Variants in GPHN observed in about 807,000 individuals in gnomAD.
The protein encoded by GPHN is gephyrin.
GPHN carries 17 observed loss-of-function variants against 95.5 expected under a neutral mutation model. The observed-to-expected ratio is 0.18, with a 90% confidence interval of 0.12 to 0.27. GPHN has a LOEUF of 0.27. GPHN is among the 10% of genes least tolerant of loss of function. GPHN has a pLI of 1.00. For missense variants in GPHN, 660 were observed against 978.1 expected (o/e 0.67, Z 4.34); for synonymous variants, 320 against 322.5 (o/e 0.99, Z 0.08).
intron 1 of GPHN, among the ~76,000 whole-genome samples, chr14:66,588,547 A>G (rs563311095): frequency 1.3e-5 from 2 of 152,222 alleles, no homozygotes; most frequent in East Asian, 3.9e-4. Flanking sequence ...AACATAAGTG[A>G]CCTTATGGAG....
the GPHN span, among the ~76,000 whole-genome samples, chr14:67,310,792 T>C: frequency 6.6e-6 from 1 of 152,212 alleles, no homozygotes; most frequent in Non-Finnish European, 1.5e-5. Flanking sequence ...AAATATTCTT[T>C]AATGACAAGC....
At chr14:67,725,452 G>A in the GPHN span, among the ~76,000 whole-genome samples, 5 of 152,160 alleles carry the variant, frequency 3.3e-5, no homozygotes, top group East Asian at 1.9e-4. Flanking sequence ...TCATCTTTTC[G>A]CCTCAGCAAT....
At chr14:67,227,729 T>C in the GPHN span, 1 of 152,170 alleles carries the variant, frequency 6.6e-6, no homozygotes, top group African/African-American at 2.4e-5. Context: ...AATAATTCAA[T>C]AGCAGGTATA....
At chr14:66,699,355 A>G (rs2068349248) in intron 2 of GPHN, among the ~76,000 whole-genome samples, 1 of 151,856 alleles carries the variant, frequency 6.6e-6, no homozygotes, top group Non-Finnish European at 1.5e-5. Flanking sequence ...TATAATAATA[A>G]TTAAAATAAA....
chr14:67,699,604 A>G, the GPHN span, among the ~76,000 whole-genome samples: 1 of 150,120 alleles, frequency 6.7e-6, no homozygotes, highest in African/African-American at 2.4e-5. Context: ...AAAAAAAAAA[A>G]AAAAAAAAGA....
intron 10 of GPHN, among the ~76,000 whole-genome samples, chr14:67,052,658 C>T (rs974929947): frequency 6.6e-6 from 1 of 152,186 alleles, no homozygotes; most frequent in Non-Finnish European, 1.5e-5. Context: ...TTCTTTGTGC[C>T]ATATGGCACT....
intron 10 of GPHN, among the ~76,000 whole-genome samples, chr14:67,056,996 G>A (rs941506926): frequency 3.3e-5 from 5 of 152,222 alleles, no homozygotes; most frequent in East Asian, 3.9e-4. Flanking sequence ...CCGTACCCAC[G>A]CCCACCCAGA....
At chr14:66,772,991 C>T (rs1402861152) in intron 2 of GPHN, among the ~76,000 whole-genome samples, 1 of 151,964 alleles carries the variant, frequency 6.6e-6, no homozygotes, top group African/African-American at 2.4e-5. Context: ...TTTTTTTCCC[C>T]CTTCTTCCTT....
At chr14:67,494,800 G>T in the GPHN span, among the ~76,000 whole-genome samples, 8 of 152,164 alleles carry the variant, frequency 5.3e-5, no homozygotes, top group East Asian at 1.3e-3. Context: ...CAAGGCTACA[G>T]AAGAAGCACC....
At chr14:67,725,877 T>A in the GPHN span, among the ~76,000 whole-genome samples, 5 of 152,190 alleles carry the variant, frequency 3.3e-5, no homozygotes, top group Non-Finnish European at 7.3e-5. Flanking sequence ...AGTTATTGAG[T>A]GCTGAGGCAA....
chr14:67,158,623 C>G (rs1205009253), intron 18 of GPHN, among the ~76,000 whole-genome samples: 1 of 152,016 alleles, frequency 6.6e-6, no homozygotes, highest in Non-Finnish European at 1.5e-5. Flanking sequence ...AGTAATAGAC[C>G]TAGGTTTTTA....
intron 1 of GPHN, among the ~76,000 whole-genome samples, chr14:66,673,723 A>G (rs2066429121): frequency 6.6e-6 from 1 of 152,192 alleles, no homozygotes; most frequent in Non-Finnish European, 1.5e-5. Context: ...TTTCTGACTG[A>G]TAATCATTTT....
chr14:66,582,541 C>A (rs1018069884), intron 1 of GPHN, among the ~76,000 whole-genome samples: 7 of 152,060 alleles, frequency 4.6e-5, no homozygotes, highest in African/African-American at 1.2e-4. Flanking sequence ...CCTCTCCCCC[C>A]ACCCCACAAC....
intron 6 of GPHN, among the ~76,000 whole-genome samples, chr14:66,918,345 T>TA (rs755524527): frequency 6.6e-6 from 1 of 152,104 alleles, no homozygotes; most frequent in African/African-American, 2.4e-5. Flanking sequence ...CTCAAACACT[T>TA]ACTGCCAGTG....
the GPHN span, chr14:67,228,379 C>G: frequency 1.0e-5 from 5 of 483,154 alleles, no homozygotes; most frequent in African/African-American, 1.1e-4. Flanking sequence ...AAAATATTCT[C>G]TATTTCAGAC....
At chr14:67,691,247 G>T in the GPHN span, 2 of 1,608,390 alleles carry the variant, frequency 1.2e-6, no homozygotes, top group Admixed American at 1.7e-5. Context: ...CTTTTCCTCT[G>T]CAGGGACAAG....
the GPHN span, among the ~76,000 whole-genome samples, chr14:67,595,682 A>G: frequency 6.6e-6 from 1 of 152,216 alleles, no homozygotes; most frequent in African/African-American, 2.4e-5. Context: ...TCCCTTCATC[A>G]TGAGGTTTAG....
At chr14:67,539,085 C>T in the GPHN span, among the ~76,000 whole-genome samples, 2 of 152,094 alleles carry the variant, frequency 1.3e-5, no homozygotes, top group Non-Finnish European at 2.9e-5. Flanking sequence ...ATTTCTTAGC[C>T]CTGAACTGAG....
intron 11 of GPHN, among the ~76,000 whole-genome samples, chr14:67,074,919 A>G (rs1243498772): frequency 6.6e-6 from 1 of 152,222 alleles, no homozygotes; most frequent in Non-Finnish European, 1.5e-5. Flanking sequence ...TGCAAGGTGA[A>G]GCAGCAAATA....
Sources: gnomAD v4.1 joint callset for allele counts (sites outside exome capture counted in the v4.1 genomes callset) on GRCh38, gnomAD v4.1.1 for gene constraint, MANE v1.5 for transcripts, NCBI Gene and HGNC (gene_info 2026-07-23, HGNC 2026-07-21) for gene names.